Variants in DNASE1L2 observed in about 807,000 individuals in gnomAD.
The protein encoded by DNASE1L2 is deoxyribonuclease 1 like 2.
Under a neutral mutation model 31.8 loss-of-function variants are expected in DNASE1L2, and 35 were observed. The ratio of observed to expected loss-of-function variants is 1.10; its 90% CI spans 0.84 to 1.46. The LOEUF is 1.46. Ranked by LOEUF, DNASE1L2 falls within the 40% of genes most tolerant of loss-of-function variation. The pLI, the probability that DNASE1L2 is intolerant of heterozygous loss-of-function variation, is 0.00. For missense variants in DNASE1L2, 504 were observed against 418.8 expected (o/e 1.20, Z -1.77); for synonymous variants, 211 against 186.5 (o/e 1.13, Z -1.07).
rs1248668384 is a variant in DNASE1L2 at position 2,237,582 on chromosome 16, A to G, written c.524A>G (p.Gln175Arg). 1 of 1,609,152 alleles carries G rather than the reference A, an allele frequency of 6.2e-7. No homozygotes were observed. The highest frequency in any genetic ancestry group is 8.5e-7 in the Non-Finnish European group (1 of 1,179,116). ...ATCCCGCTGCACGCGGCGCCGCATCAAGCCGTGGCGGAGATCGACGCGCTC... is the reference window on the plus strand; with the variant it reads ...ATCCCGCTGCACGCGGCGCCGCATCGAGCCGTGGCGGAGATCGACGCGCTC... The part of the protein sequence containing the change: ...VLIPLHAAPH[Q>R]AVAEIDALYD... Residue 175 changes from glutamine (Q) to arginine (R), a missense_variant, in exon 5 of 7, where the codon CAA (glutamine) becomes CGA (arginine). Coordinates refer to ENST00000320700, the MANE Select transcript of DNASE1L2 (RefSeq NM_001374.3).
rs773796074 is a variant in DNASE1L2, at chr16:2,238,458, C to T, written c.*40C>T. 1.9e-6 allele frequency: 3 copies of T among 1,612,130 alleles called. No homozygotes were observed. The highest frequency in any genetic ancestry group is 4.5e-5 in the East Asian group (2 of 44,872). On this transcript the variant is annotated 3_prime_UTR_variant, in exon 7 of 7. Coordinates refer to ENST00000320700, the MANE Select transcript of DNASE1L2 (RefSeq NM_001374.3). ...GGGGCATGCCACCTGCAGACCCTGG[C>T]TCTGAGGAATGGCCCAACAGTGGCC...
At chr16:2,237,149 T>TCGCGACCCCCCGCCGGGATCTCGC in intron 3 of DNASE1L2, 23 bp downstream of exon 3, 1 of 1,547,986 alleles carries the variant, frequency 6.5e-7, no homozygotes, top group Non-Finnish European at 8.7e-7. Flanking sequence ...GGGCCCCTCG[T>TCGCGACCCCCCGCCGGGATCTCGC]CGCGACCCCC....
Position 2,236,765 on chromosome 16 carries a change from C to T in DNASE1L2, c.-39-13C>T. The stretch of plus-strand genomic sequence containing the variant: ...AGGGGTGGGTCGGTGGGTCTGACAG[C>T]GGGTCTGCGTAGGCGGCAGCGTCTG... On this transcript the variant is annotated splice_polypyrimidine_tract_variant and intron_variant, in intron 1 of 6. Transcript: ENST00000320700. 6.6e-7 allele frequency: 1 copy of T among 1,520,518 alleles called. No individual in the cohort carries two copies. The highest frequency in any genetic ancestry group is 8.8e-7 in the Non-Finnish European group (1 of 1,140,310). The allele number at this position is 1,520,518 out of a possible 1,614,324, so 94.2% of individuals were successfully genotyped here.
At position 2,236,580 on chromosome 16, in the gene DNASE1L2, T is replaced by C; in HGVS notation, c.-40+20T>C. On this transcript the variant is annotated intron_variant, in intron 1 of 6. Transcript: ENST00000320700. The stretch of plus-strand genomic sequence containing the variant: ...TCCAAGGTGAGTCTCTCGGCTGCCC[T>C]GAGCTGGGGCTGGATGGGCCGGACC... 10 of 1,304,702 alleles carry C rather than the reference T, an allele frequency of 7.7e-6. No individual in the cohort carries two copies. The highest frequency in any genetic ancestry group is 8.7e-6 in the Non-Finnish European group (9 of 1,030,922). The allele number at this position is 1,304,702 out of a possible 1,614,324, so 80.8% of individuals were successfully genotyped here.
Position 2,236,792 on chromosome 16 carries a change from C to G in DNASE1L2, c.-25C>G. On this transcript the variant is annotated 5_prime_UTR_variant, in exon 2 of 7. Coordinates refer to ENST00000320700, the MANE Select transcript of DNASE1L2 (RefSeq NM_001374.3). ...GGTCTGCGTAGGCGGCAGCGTCTGTCCCTCCCAGCCTCTCGCTCCGCGCCA... is the reference window on the plus strand; with the variant it reads ...GGTCTGCGTAGGCGGCAGCGTCTGTGCCTCCCAGCCTCTCGCTCCGCGCCA... 1.3e-6 allele frequency: 2 copies of G among 1,574,956 alleles called. No homozygotes were observed.
At chr16:2,238,291 G>C in intron 6 of DNASE1L2, 71 bp from the exon 7 acceptor site, 5 of 1,596,072 alleles carry the variant, frequency 3.1e-6, no homozygotes, top group Non-Finnish European at 4.3e-6. Flanking sequence ...TGGGCACCCA[G>C]GCCTCACCGG....
chr16:2,238,063 C>CG, intron 6 of DNASE1L2, 45 bp downstream of exon 6: 2 of 1,546,630 alleles, frequency 1.3e-6, no homozygotes, highest in Non-Finnish European at 1.7e-6. Context: ...CCCCACCGCC[C>CG]GGGCGCACGC....
Position 2,237,643 on chromosome 16 carries a change from CA to C in DNASE1L2, c.586del (p.Thr196ProfsTer27). The part of the protein sequence containing the change: ...VYLDVIDKWG[T>X]DDMLFLGDFN... The stretch of plus-strand genomic sequence containing the variant: ...ACCTGGACGTGATCGACAAGTGGGG[CA>C]CCGACGTAAGCCCACCCCTCGGTCC... On this transcript the variant is annotated frameshift_variant, in exon 5 of 7. Coordinates refer to ENST00000320700, the MANE Select transcript of DNASE1L2 (RefSeq NM_001374.3). LOFTEE classifies it high-confidence loss of function. 15 of 1,600,788 alleles carry C rather than the reference CA, an allele frequency of 9.4e-6. No individual in the cohort carries two copies. The highest frequency in any genetic ancestry group is 1.3e-5 in the Non-Finnish European group (15 of 1,171,612).
chr16:2,237,616 G>C lies in DNASE1L2; in HGVS notation c.558G>C (p.Val186=). The part of the protein sequence containing the change: ...AVAEIDALYD[V]YLDVIDKWGT... ...CGGAGATCGACGCGCTCTACGACGT[G>C]TACCTGGACGTGATCGACAAGTGGG... The change falls in exon 5 of 7, where the codon GTG becomes GTC. Residue 186 remains valine, a synonymous_variant. Coordinates refer to ENST00000320700, the MANE Select transcript of DNASE1L2 (RefSeq NM_001374.3). 2 of 1,609,016 alleles carry C rather than the reference G, an allele frequency of 1.2e-6. No individual in the cohort carries two copies. Among genetic ancestry groups the C allele is most frequent in the Non-Finnish European group, 1.7e-6 (2 of 1,177,294 alleles).
At position 2,237,549 on chromosome 16, in the gene DNASE1L2, T is replaced by A; in HGVS notation, c.491T>A (p.Leu164Gln). 7.3e-7 allele frequency: 1 copy of A among 1,371,864 alleles called. No individual in the cohort carries two copies. The highest frequency in any genetic ancestry group is 9.6e-7 in the Non-Finnish European group (1 of 1,039,978). 85.0% of individuals were successfully genotyped at this position (1,371,864 alleles called of 1,614,324 possible). The change falls in exon 5 of 7, where the codon CTG (leucine) becomes CAG (glutamine). Residue 164 changes from leucine (L) to glutamine (Q), a missense_variant. By Grantham distance (113) the Leu-to-Gln change is moderately radical. Coordinates refer to ENST00000320700, the MANE Select transcript of DNASE1L2 (RefSeq NM_001374.3). The stretch of plus-strand genomic sequence containing the variant: ...CCCCTTCCCGCAGCAGCACAGAACC[T>A]GGTGCTGATCCCGCTGCACGCGGCG... ...PPPLPAAAQNLVLIPLHAAPH... is the reference protein window; with the variant it reads ...PPPLPAAAQNQVLIPLHAAPH...
intron 2 of DNASE1L2, 27 bp downstream of exon 2, chr16:2,236,987 C>T: frequency 1.9e-6 from 3 of 1,546,420 alleles, no homozygotes; most frequent in South Asian, 1.2e-5. Flanking sequence ...GGCGGGGCGG[C>T]GTTTAGGGGT....
intron 1 of DNASE1L2, 101 bp from the exon 2 acceptor site, chr16:2,236,677 G>A: frequency 1.4e-6 from 2 of 1,417,968 alleles, no homozygotes; most frequent in Non-Finnish European, 1.8e-6. Context: ...TGCCCTGGGA[G>A]CCTGCAGAAC....
At position 2,237,218 on chromosome 16, in the gene DNASE1L2, C is replaced by T; in HGVS notation, c.234C>T (p.Ser78=). The change falls in exon 4 of 7, where the codon AGC becomes AGT. Residue 78 remains serine (S), a splice_region_variant and synonymous_variant. Coordinates refer to ENST00000320700, the MANE Select transcript of DNASE1L2 (RefSeq NM_001374.3). ...CCTGAGCGGGCCCCTGTCTCCGCAG[C>T]GTGTCCGAGCACGAGTACAGCTTTG... The part of the protein sequence containing the change: ...AVSALMEQIN[S]VSEHEYSFVS... 2 of 1,570,778 alleles carry T rather than the reference C, an allele frequency of 1.3e-6. No individual in the cohort carries two copies. Among genetic ancestry groups the T allele is most frequent in the Middle Eastern group, 1.7e-4 (1 of 5,982 alleles).
chr16:2,238,078 A>C, intron 6 of DNASE1L2, 60 bp downstream of exon 6: 1 of 1,529,564 alleles, frequency 6.5e-7, no homozygotes, highest in South Asian at 1.2e-5. Context: ...GCACGCAGGC[A>C]GCAGGGAGGG....
At chr16:2,238,082 G>A in intron 6 of DNASE1L2, 64 bp downstream of exon 6, 8 of 1,525,750 alleles carry the variant, frequency 5.2e-6, no homozygotes, top group Non-Finnish European at 6.2e-6. Context: ...GCAGGCAGCA[G>A]GGAGGGTCCA....
In DNASE1L2 at chr16:2,236,854, C is replaced by T. The variant is rs2093512469; in HGVS notation, c.38C>T (p.Ala13Val). The T allele has an allele frequency of 6.3e-7, 1 of 1,597,904 alleles. No individual in the cohort carries two copies. Among genetic ancestry groups the T allele is most frequent in the Non-Finnish European group, 8.5e-7 (1 of 1,173,758 alleles). ...CGGGCTCTGCTGGCCGCACTCTGGG[C>T]GCTGGAAGCCGCCGGGACCGCCGCG... The part of the protein sequence containing the change: ...GPRALLAALW[A>V]LEAAGTAALR... Residue 13 changes from alanine to valine, a missense_variant, in exon 2 of 7, where the codon GCG (alanine) becomes GTG (valine). Transcript: ENST00000320700.
chr16:2,236,750 C>T, intron 1 of DNASE1L2, 28 bp from the exon 2 acceptor site: 5 of 1,488,030 alleles, frequency 3.4e-6, no homozygotes, highest in Non-Finnish European at 4.4e-6. Context: ...AGGGGTGGGT[C>T]GGTGGGTCTG....
chr16:2,237,094 C>A lies in DNASE1L2; in HGVS notation c.201C>A (p.Ser67Arg). 1 of 1,549,772 alleles carries A rather than the reference C, an allele frequency of 6.5e-7. No individual in the cohort carries two copies. Among genetic ancestry groups the A allele is most frequent in the Non-Finnish European group, 8.7e-7 (1 of 1,147,216 alleles). Residue 67 changes from serine to arginine, a missense_variant, in exon 3 of 7, where the codon AGC becomes AGA. Transcript: ENST00000320700. ...AGGAGGTGCGAGACCCAGACCTCAGCGCCGTGTCCGCGCTCATGGAGCAGA... is the reference window on the plus strand; with the variant it reads ...AGGAGGTGCGAGACCCAGACCTCAGAGCCGTGTCCGCGCTCATGGAGCAGA... ...LVQEVRDPDLSAVSALMEQIN... is the reference protein window; with the variant it reads ...LVQEVRDPDLRAVSALMEQIN...
intron 5 of DNASE1L2, 21 bp downstream of exon 5, chr16:2,237,670 CG>C: frequency 6.3e-7 from 1 of 1,591,238 alleles, no homozygotes; most frequent in Admixed American, 1.7e-5. Context: ...CCCTCGGTCC[CG>C]GGGTCCCTGC....
Sources: gnomAD v4.1 joint callset for allele counts on GRCh38, gnomAD v4.1.1 for gene constraint, MANE v1.5 for transcripts, NCBI Gene and HGNC (gene_info 2026-07-23, HGNC 2026-07-21) for gene names.